Variants in PTPRD observed in about 807,000 individuals in gnomAD.
PTPRD encodes receptor-type tyrosine-protein phosphatase delta.
PTPRD carries 34 observed loss-of-function variants against 214.5 expected under a neutral mutation model. The observed-to-expected ratio is 0.16, with a 90% CI of 0.12 to 0.21. PTPRD has a LOEUF of 0.21. PTPRD is among the 10% of genes least tolerant of loss of function. PTPRD has a pLI of 1.00. For missense variants in PTPRD, 2,545 were observed against 2,398.7 expected (o/e 1.06, Z -1.27); for synonymous variants, 1,128 against 845.7 (o/e 1.33, Z -5.79).
chr9:10,334,077 TTA>T (rs1182363293), intron 3 of PTPRD, among the ~76,000 whole-genome samples: 1 of 151,728 alleles, frequency 6.6e-6, no homozygotes, highest in Non-Finnish European at 1.5e-5. Context: ...ATATAAAATA[TTA>T]TGATATCAAT....
At chr9:8,864,084 A>G (rs990366513) in intron 11 of PTPRD, among the ~76,000 whole-genome samples, 3 of 152,226 alleles carry the variant, frequency 2.0e-5, no homozygotes, top group Admixed American at 6.5e-5. Flanking sequence ...CAAGAATGGG[A>G]AACACAATGG....
intron 11 of PTPRD, among the ~76,000 whole-genome samples, chr9:8,781,578 C>G (rs2095700195): frequency 6.6e-6 from 1 of 152,072 alleles, no homozygotes; most frequent in Non-Finnish European, 1.5e-5. Flanking sequence ...AAGAAAGAGT[C>G]AAACTCTATC....
chr9:10,150,570 T>C (rs187157269), intron 3 of PTPRD, among the ~76,000 whole-genome samples: 24 of 151,928 alleles, frequency 1.6e-4, no homozygotes, highest in Admixed American at 1.4e-3. Flanking sequence ...AACTGACCAG[T>C]TAATGTGCAG....
intron 4 of PTPRD, among the ~76,000 whole-genome samples, chr9:10,016,522 C>T (rs753864097): frequency 7.9e-5 from 12 of 152,098 alleles, no homozygotes; most frequent in Non-Finnish European, 1.6e-4. Flanking sequence ...ACAGAATAGT[C>T]TCAAAGCATG....
Position 8,782,366 on chromosome 9 carries a change from ACT to A in PTPRD, c.-103-48422_-103-48421del, listed in dbSNP as rs201241093. The stretch of plus-strand genomic sequence containing the variant: ...TTTATGGTGAAAATATTCAAAATCT[ACT>A]CTTTTAGCAATTTTCAAGTTTACAA... On this transcript the variant is annotated intron_variant, in intron 11 of 45. Coordinates refer to ENST00000381196, the MANE Select transcript of PTPRD (RefSeq NM_002839.4). Among the ~76,000 whole-genome samples the A allele has an allele frequency of 2.3e-3, 346 of 151,558 alleles. 2 individuals carry two copies. Among genetic ancestry groups the A allele is most frequent in the African/African-American group, 7.9e-3 (327 of 41,278 alleles).
At chr9:9,857,429 C>G (rs1182892293) in intron 5 of PTPRD, among the ~76,000 whole-genome samples, 3 of 152,180 alleles carry the variant, frequency 2.0e-5, no homozygotes, top group Non-Finnish European at 2.9e-5. Flanking sequence ...TGCAGTATCT[C>G]TTTCCCAGGC....
At chr9:9,139,603 G>C (rs1328041740) in intron 10 of PTPRD, among the ~76,000 whole-genome samples, 1 of 135,204 alleles carries the variant, frequency 7.4e-6, no homozygotes, top group Admixed American at 7.1e-5. Flanking sequence ...ATTATAAATA[G>C]GCCGGACAAA....
chr9:9,730,247 A>C (rs2098165411), intron 7 of PTPRD, among the ~76,000 whole-genome samples: 1 of 152,268 alleles, frequency 6.6e-6, no homozygotes, highest in East Asian at 1.9e-4. Context: ...CATGAATTTA[A>C]TTTGCAAGTT....
At chr9:9,969,065 T>C (rs1177986982) in intron 4 of PTPRD, among the ~76,000 whole-genome samples, 2 of 152,086 alleles carry the variant, frequency 1.3e-5, no homozygotes, top group African/African-American at 4.8e-5. Context: ...ATTAAAACCA[T>C]TGTGCCACAG....
intron 5 of PTPRD, among the ~76,000 whole-genome samples, chr9:9,823,101 TGTG>T (rs1030515846): frequency 1.1e-4 from 17 of 151,976 alleles, no homozygotes; most frequent in African/African-American, 4.1e-4. Flanking sequence ...ATAAAGAAAA[TGTG>T]GTACATATAC....
intron 5 of PTPRD, among the ~76,000 whole-genome samples, chr9:9,906,918 C>A (rs1043107098): frequency 6.6e-6 from 1 of 151,830 alleles, no homozygotes; most frequent in African/African-American, 2.4e-5. Flanking sequence ...TAATTCACTG[C>A]GTTTGTGGCC....
chr9:8,592,475 T>G (rs1425283549), intron 14 of PTPRD, among the ~76,000 whole-genome samples: 1 of 152,178 alleles, frequency 6.6e-6, no homozygotes, highest in Non-Finnish European at 1.5e-5. Flanking sequence ...TCTGGGAACG[T>G]GCACAGCTCT....
At chr9:8,778,251 C>T (rs905152552) in intron 11 of PTPRD, among the ~76,000 whole-genome samples, 5 of 152,148 alleles carry the variant, frequency 3.3e-5, no homozygotes, top group African/African-American at 1.2e-4. Context: ...CTACAATGAG[C>T]CAAAATTAGT....
At chr9:9,320,138 C>T (rs1006897067) in intron 9 of PTPRD, among the ~76,000 whole-genome samples, 4 of 152,080 alleles carry the variant, frequency 2.6e-5, no homozygotes, top group Admixed American at 6.6e-5. Flanking sequence ...TATAAGAATT[C>T]CTTTTTGTAA....
At chr9:10,314,277 C>G (rs933179169) in intron 3 of PTPRD, among the ~76,000 whole-genome samples, 47 of 151,776 alleles carry the variant, frequency 3.1e-4, no homozygotes, top group African/African-American at 1.1e-3. Context: ...AAGCCTCCAA[C>G]CAGGACAAGG....
intron 8 of PTPRD, among the ~76,000 whole-genome samples, chr9:9,538,297 G>A (rs1001859596): frequency 1.7e-4 from 26 of 151,884 alleles, no homozygotes; most frequent in Non-Finnish European, 3.7e-4. Context: ...CACAGCACCA[G>A]TTAAAATTTT....
chr9:9,291,668 G>T (rs1951186752), intron 9 of PTPRD, among the ~76,000 whole-genome samples: 1 of 150,538 alleles, frequency 6.6e-6, no homozygotes. Context: ...TTTTCCATTG[G>T]TTTGCTATTT....
At chr9:8,771,038 G>A (rs974676496) in intron 11 of PTPRD, among the ~76,000 whole-genome samples, 11 of 151,738 alleles carry the variant, frequency 7.2e-5, no homozygotes, top group Admixed American at 2.0e-4. Flanking sequence ...AAAATTAGCC[G>A]GGCGTGGTGG....
chr9:10,286,863 T>G (rs1344741685), intron 3 of PTPRD, among the ~76,000 whole-genome samples: 1 of 152,142 alleles, frequency 6.6e-6, no homozygotes, highest in Admixed American at 6.5e-5. Flanking sequence ...CCTCCCAAAG[T>G]GCTGAGATTA....
Sources: gnomAD v4.1 joint callset for allele counts (sites outside exome capture counted in the v4.1 genomes callset) on GRCh38, gnomAD v4.1.1 for gene constraint, MANE v1.5 for transcripts, NCBI Gene and HGNC (gene_info 2026-07-23, HGNC 2026-07-21) for gene names.